The following PRAG1 variants were observed in gnomAD, a reference collection of about 807,000 sequenced individuals.
PRAG1 encodes inactive tyrosine-protein kinase PRAG1.
Under a neutral mutation model 95.6 loss-of-function variants are expected in PRAG1, and 110 were observed. The ratio of observed to expected loss-of-function variants is 1.15; its 90% CI spans 0.99 to 1.35. PRAG1 has a LOEUF of 1.35. Among genes scored for constraint, PRAG1 ranks in the 40% most tolerant of loss-of-function variants. The pLI, the probability that PRAG1 is intolerant of heterozygous loss-of-function variation, is 0.00. For missense variants in PRAG1, 2,554 were observed against 1,864.7 expected, an observed-to-expected ratio of 1.37 and a Z score of -6.81; for synonymous variants, 1,052 against 819.4, an observed-to-expected ratio of 1.28 and a Z score of -4.85.
chr8:8,350,884 A>G (rs1799497411), intron 3 of PRAG1, among the ~76,000 whole-genome samples: 1 of 150,828 alleles, frequency 6.6e-6, no homozygotes, highest in South Asian at 2.1e-4. Flanking sequence ...GTACATAGAA[A>G]GTGCTCGTTA....
At chr8:8,333,512 G>C (rs1206570722) in intron 4 of PRAG1, among the ~76,000 whole-genome samples, 2 of 152,198 alleles carry the variant, frequency 1.3e-5, no homozygotes, top group Admixed American at 6.5e-5. Context: ...GGATTTCAGT[G>C]GTTGGGAAGA....
intron 3 of PRAG1, among the ~76,000 whole-genome samples, chr8:8,347,456 C>T (rs1351333666): frequency 1.3e-5 from 2 of 152,224 alleles, no homozygotes; most frequent in Admixed American, 6.5e-5. Context: ...TTATTTGGCT[C>T]CATGATTCAA....
At chr8:8,353,125 A>C (rs538628574) in intron 3 of PRAG1, among the ~76,000 whole-genome samples, 3 of 152,218 alleles carry the variant, frequency 2.0e-5, no homozygotes, top group Non-Finnish European at 4.4e-5. Context: ...ATAGTAGGAG[A>C]CTTCAACACC....
Position 8,377,187 on chromosome 8 carries a change from G to A in PRAG1, c.1222C>T (p.Gln408Ter), listed in dbSNP as rs371225680. The change falls in exon 3 of 6, where the codon CAG (glutamine) becomes TAG (stop). Residue 408 changes from glutamine to a stop codon, truncating the protein, a stop_gained. Coordinates refer to ENST00000615670, the MANE Select transcript of PRAG1 (RefSeq NM_001080826.3). LOFTEE classifies it high-confidence loss of function. Reference sequence around the variant, plus strand: ...CTCTCAGCATAGATGGGTTCAGGCTGTGTAGCCTCCCGGGGGTGGGCCGGG... The same window carrying A: ...CTCTCAGCATAGATGGGTTCAGGCTATGTAGCCTCCCGGGGGTGGGCCGGG... ...QPPAHPREAT[Q>*]PEPIYAESTK... The A allele has an allele frequency of 1.9e-6, 3 of 1,611,748 alleles. No homozygotes were observed. The highest frequency in any genetic ancestry group is 1.3e-5 in the African/African-American group (1 of 75,050).
Position 8,328,048 on chromosome 8 carries a change from A to G in PRAG1, c.2734T>C (p.Cys912Arg). Residue 912 changes from cysteine to arginine, a missense_variant, in exon 5 of 6, where the codon TGC (cysteine) becomes CGC (arginine). By Grantham distance (180) the Cys-to-Arg change is radical. Coordinates refer to ENST00000615670, the MANE Select transcript of PRAG1 (RefSeq NM_001080826.3). ...GATGAGGCGGAGGGGGCCCCTTTGC[A>G]CTGGAGGCCAGGGCTCCCGCAGCCG... Reference protein sequence around the residue: ...RGGCGSPGLQCKGAPSASSSQ... With the variant: ...RGGCGSPGLQRKGAPSASSSQ... The G allele has an allele frequency of 1.9e-6, 3 of 1,590,748 alleles. No homozygotes were observed. Among genetic ancestry groups the G allele is most frequent in the Non-Finnish European group, 2.6e-6 (3 of 1,167,800 alleles).
At chr8:8,369,059 A>G (rs1800106794) in intron 3 of PRAG1, among the ~76,000 whole-genome samples, 1 of 152,198 alleles carries the variant, frequency 6.6e-6, no homozygotes, top group Admixed American at 6.5e-5. Flanking sequence ...ATAATGATTA[A>G]CCTTAGCTTC....
chr8:8,379,998 TG>T (rs1800577500), intron 2 of PRAG1, among the ~76,000 whole-genome samples: 1 of 152,124 alleles, frequency 6.6e-6, no homozygotes, highest in African/African-American at 2.4e-5. Flanking sequence ...CCCAGCACTA[TG>T]GGAGGCTGAG....
intron 3 of PRAG1, among the ~76,000 whole-genome samples, chr8:8,349,999 T>C (rs1799468645): frequency 6.6e-6 from 1 of 150,926 alleles, no homozygotes; most frequent in Non-Finnish European, 1.5e-5. Context: ...CACACACACA[T>C]TTCGGTTACT....
rs78111172 is a variant in PRAG1 at position 8,382,210 on chromosome 8, G to A, written c.-87-376C>T. On this transcript the variant is annotated intron_variant, in intron 1 of 5. Coordinates refer to ENST00000615670, the MANE Select transcript of PRAG1 (RefSeq NM_001080826.3). Reference sequence around the variant, plus strand: ...CGTCATCCATGTATTCCCTGACACCGGGGCCTAGAGTCTGGGACGCTGACC... The same window carrying A: ...CGTCATCCATGTATTCCCTGACACCAGGGCCTAGAGTCTGGGACGCTGACC... 6.2e-3 allele frequency among the ~76,000 whole-genome samples: 946 copies of A among 152,246 alleles called. 5 individuals are homozygous for A. The highest frequency in any genetic ancestry group is 9.6e-3 in the Non-Finnish European group (654 of 68,020).
rs752841482 is a variant in PRAG1, at chr8:8,318,239, A to G, written c.4136T>C (p.Leu1379Pro). Residue 1379 changes from leucine (L) to proline (P), a missense_variant, in exon 6 of 6, where the codon CTG becomes CCG. Physicochemically the swap from Leu to Pro is moderately conservative, Grantham distance 98. Transcript: ENST00000615670. The surrounding 1 kb of genome is among the most constrained non-coding windows in gnomAD (Gnocchi z 4.2). ...KAVDRRRGVE[L>P]EDWLCCQYLA... ...GTACTGGCAGCAAAGCCAGTCCTCC[A>G]GCTCCACGCCCCGCCTGCGATCCAC... is the stretch of plus-strand genomic sequence containing the variant. 6.2e-7 allele frequency: 1 copy of G among 1,614,192 alleles called. No homozygotes were observed. The highest frequency in any genetic ancestry group is 1.6e-4 in the Middle Eastern group (1 of 6,062).
intron 5 of PRAG1, among the ~76,000 whole-genome samples, chr8:8,325,526 G>A (rs1475357413): frequency 6.6e-6 from 1 of 152,148 alleles, no homozygotes; most frequent in Non-Finnish European, 1.5e-5. Flanking sequence ...AATTTCTTTT[G>A]TGTTGTTTAT....
intron 3 of PRAG1, among the ~76,000 whole-genome samples, chr8:8,362,028 G>T (rs1393184582): frequency 6.6e-6 from 1 of 152,150 alleles, no homozygotes; most frequent in African/African-American, 2.4e-5. Flanking sequence ...TCCCTAGCTT[G>T]CTTAAATTCC....
In PRAG1 at chr8:8,377,996, C is replaced by G. The variant is rs201284103; in HGVS notation, c.413G>C (p.Gly138Ala). The change falls in exon 3 of 6, where the codon GGT (glycine) becomes GCT (alanine). Residue 138 changes from glycine (G) to alanine (A), a missense_variant. Coordinates refer to ENST00000615670, the MANE Select transcript of PRAG1 (RefSeq NM_001080826.3). ...APVVYLGSFR[G>A]VQKPAGPSTS... ...AGAGGGACCAGCAGGCTTCTGTACA[C>G]CTCGGAAGCTGCCCAGGTAGACGAC... 1.1e-5 allele frequency: 18 copies of G among 1,604,626 alleles called. No individual in the cohort carries two copies. The African/African-American group carries it at 2.3e-4, about 20-fold the overall frequency.
chr8:8,381,858 G>A, intron 1 of PRAG1, 24 bp from the exon 2 acceptor site: 3 of 813,168 alleles, frequency 3.7e-6, no homozygotes, highest in South Asian at 1.9e-5. Context: ...ACAGTTTCCT[G>A]ATTAGAGATT....
At chr8:8,334,815 G>A (rs776652425) in intron 4 of PRAG1, among the ~76,000 whole-genome samples, 8 of 151,778 alleles carry the variant, frequency 5.3e-5, no homozygotes, top group Non-Finnish European at 8.8e-5. Flanking sequence ...GGGCACAGTC[G>A]CTCATGCCTG....
chr8:8,370,086 A>G (rs1263989116), intron 3 of PRAG1, among the ~76,000 whole-genome samples: 1 of 152,252 alleles, frequency 6.6e-6, no homozygotes, highest in Non-Finnish European at 1.5e-5. Context: ...AGCCTTAGTC[A>G]AGAATGTATG....
intron 1 of PRAG1, among the ~76,000 whole-genome samples, chr8:8,384,106 T>G (rs556502159): frequency 7.9e-5 from 12 of 152,136 alleles, no homozygotes; most frequent in Non-Finnish European, 1.2e-4. Flanking sequence ...CCACAGCTCC[T>G]CCTGACACTG....
At chr8:8,331,480 C>T (rs1798815742) in intron 4 of PRAG1, among the ~76,000 whole-genome samples, 1 of 152,186 alleles carries the variant, frequency 6.6e-6, no homozygotes, top group Non-Finnish European at 1.5e-5. Flanking sequence ...CTACTCTCTC[C>T]ATTTTCAACC....
At chr8:8,358,146 T>C (rs1396912563) in intron 3 of PRAG1, among the ~76,000 whole-genome samples, 1 of 152,210 alleles carries the variant, frequency 6.6e-6, no homozygotes, top group East Asian at 1.9e-4. Flanking sequence ...AATCTCCTCC[T>C]TGGGTTCAAT....
Sources: gnomAD v4.1 joint callset for allele counts (sites outside exome capture counted in the v4.1 genomes callset) on GRCh38, gnomAD v4.1.1 for gene constraint, Gnocchi (gnomAD v3.1) non-coding constraint, MANE v1.5 for transcripts, NCBI Gene and HGNC (gene_info 2026-07-23, HGNC 2026-07-21) for gene names.